Variants in PTPRZ1 observed in about 807,000 individuals in gnomAD.
PTPRZ1 encodes protein tyrosine phosphatase receptor type Z1.
A neutral mutation model predicts 214.1 loss-of-function variants in PTPRZ1; 82 were observed. That is an observed-to-expected ratio of 0.38 (90% CI 0.32 to 0.46). The LOEUF (loss-of-function observed/expected upper bound fraction) is 0.46, where lower values mean the gene tolerates loss of function less well. Ranked by LOEUF, PTPRZ1 falls within the 20% of genes least tolerant of loss-of-function variation. The probability of loss-of-function intolerance (pLI) is 1.00; values close to 1 mark genes in which losing one functional copy is unlikely to be tolerated. For synonymous variants in PTPRZ1, 945 were observed against 987.9 expected (o/e 0.96, Z 0.81); for missense variants, 2,603 against 2,748.7 (o/e 0.95, Z 1.19).
chr7:121,876,607 A>C (rs1412543837), intron 1 of PTPRZ1, among the ~76,000 whole-genome samples: 2 of 152,216 alleles, frequency 1.3e-5, no homozygotes, highest in African/African-American at 2.4e-5. Context: ...CTGAAAACAA[A>C]TTGTAACCAC....
In PTPRZ1 at chr7:122,010,437, C is replaced by G. The variant is rs764938406; in HGVS notation, c.1391C>G (p.Thr464Arg). 6.2e-7 allele frequency: 1 copy of G among 1,614,028 alleles called. No homozygotes were observed. The highest frequency in any genetic ancestry group is 1.1e-5 in the South Asian group (1 of 91,078). The change falls in exon 12 of 30, where the codon ACA becomes AGA. Residue 464 changes from threonine to arginine, a missense_variant. Thr to Arg is a moderately conservative substitution (Grantham distance 71, BLOSUM62 -1). Coordinates refer to ENST00000393386, the MANE Select transcript of PTPRZ1 (RefSeq NM_002851.3). ...AAAAAGGAACCCCAGATTTCTACCA[C>G]AACACACTACAATCGCATAGGGACG... is the stretch of plus-strand genomic sequence containing the variant. The part of the protein sequence containing the change: ...IRKKEPQIST[T>R]THYNRIGTKY...
At chr7:121,891,285 C>G (rs1794599509) in intron 1 of PTPRZ1, among the ~76,000 whole-genome samples, 3 of 151,748 alleles carry the variant, frequency 2.0e-5, no homozygotes, top group African/African-American at 7.3e-5. Context: ...CTCCTTAGTT[C>G]TTATCACTCA....
intron 8 of PTPRZ1, among the ~76,000 whole-genome samples, chr7:121,993,528 T>C (rs1798035014): frequency 7.0e-6 from 1 of 142,260 alleles, no homozygotes; most frequent in Admixed American, 7.4e-5. Context: ...TAAGGCGAGA[T>C]TGTGGCACTG....
At chr7:121,978,271 G>A (rs565637821) in intron 6 of PTPRZ1, among the ~76,000 whole-genome samples, 1 of 152,238 alleles carries the variant, frequency 6.6e-6, no homozygotes, top group African/African-American at 2.4e-5. Flanking sequence ...AACAGTTCTT[G>A]GATTAGCTGA....
intron 1 of PTPRZ1, among the ~76,000 whole-genome samples, chr7:121,877,682 C>A (rs1295237099): frequency 6.6e-6 from 1 of 152,154 alleles, no homozygotes; most frequent in African/African-American, 2.4e-5. Context: ...ACTCATGATG[C>A]TCACAACCCA....
chr7:121,909,047 TTTGC>T, intron 1 of PTPRZ1: 1 of 471,632 alleles, frequency 2.1e-6, no homozygotes, highest in Non-Finnish European at 4.2e-6. Flanking sequence ...TTGGAATCAA[TTTGC>T]TTGCTCTCTT....
chr7:121,917,113 CTG>C (rs1795450359), intron 1 of PTPRZ1, among the ~76,000 whole-genome samples: 1 of 152,138 alleles, frequency 6.6e-6, no homozygotes, highest in Non-Finnish European at 1.5e-5. Context: ...TTCAAATAAA[CTG>C]TACAATACAA....
chr7:122,024,647 A>G (rs188796680), intron 13 of PTPRZ1, among the ~76,000 whole-genome samples: 14 of 151,930 alleles, frequency 9.2e-5, no homozygotes, highest in Non-Finnish European at 1.8e-4. Context: ...AAGGTCTTTT[A>G]GGGAAATTAA....
At chr7:121,942,772 C>T (rs1472867458) in intron 2 of PTPRZ1, among the ~76,000 whole-genome samples, 1 of 152,108 alleles carries the variant, frequency 6.6e-6, no homozygotes, top group Non-Finnish European at 1.5e-5. Context: ...AGATTAGATA[C>T]CACAGAGATC....
chr7:122,036,573 A>G lies in PTPRZ1; in HGVS notation c.5285-27A>G, dbSNP rs773126646. ...GTGCTGAAAAGTAGTCTGTGCTACA[A>G]TGAAATATATTCTCTTTATATTACA... On this transcript the variant is annotated intron_variant, in intron 17 of 29. Transcript: ENST00000393386. 5 of 1,459,974 alleles carry G rather than the reference A, an allele frequency of 3.4e-6. No individual in the cohort carries two copies. The South Asian group carries it at 3.5e-5, about 10-fold the overall frequency. 90.4% of individuals were successfully genotyped at this position (1,459,974 alleles called of 1,614,324 possible).
rs756878355 is a variant in PTPRZ1 at position 122,012,272 on chromosome 7, G to A, written c.3226G>A (p.Asp1076Asn). ...SESTVMPNMY[D>N]NVNKLNASLQ... is the part of the protein sequence containing the mutation. The stretch of plus-strand genomic sequence containing the variant: ...AAGCACAGTCATGCCCAACATGTAT[G>A]ATAATGTAAATAAGTTGAATGCGTC... Residue 1076 changes from aspartate to asparagine, a missense_variant, in exon 12 of 30, where the codon GAT becomes AAT. Around this residue, in one of 6 missense-constraint regions of PTPRZ1, gnomAD observed 1,913 missense variants for 1,914.3 expected, o/e 1.00. Transcript: ENST00000393386. The A allele has an allele frequency of 7.4e-6, 12 of 1,614,006 alleles. 1 individual carries two copies. Among genetic ancestry groups the A allele is most frequent in the South Asian group, 6.6e-5 (6 of 91,078 alleles).
rs35113798 is a variant in PTPRZ1 at position 121,873,328 on chromosome 7, TCACACACACA to T, written c.-159_-150del. On this transcript the variant is annotated 5_prime_UTR_variant, in exon 1 of 30. Transcript: ENST00000393386. The stretch of plus-strand genomic sequence containing the variant: ...GTCTCTGTCTCTGTCTCTCTCTCTC[TCACACACACA>T]CACACACACACAAACACACATACGC... 5 of 533,102 alleles carry T rather than the reference TCACACACACA, an allele frequency of 9.4e-6. No homozygotes were observed. The highest frequency in any genetic ancestry group is 4.9e-5 in the South Asian group (2 of 40,450). The allele number at this position is 533,102 out of a possible 1,614,324, so 33.0% of individuals were successfully genotyped here. A position where few individuals can be genotyped will look rare whatever the true frequency, so the allele number is the denominator to read the frequency against.
chr7:122,012,075 C>T lies in PTPRZ1; in HGVS notation c.3029C>T (p.Thr1010Ile). ...GATAGTGAATTTCTTTTACCTGACA[C>T]AGATGGGCTGACAGCCCTTAACATT... is the stretch of plus-strand genomic sequence containing the variant. ...SSDSEFLLPDTDGLTALNISS... is the reference protein window; with the variant it reads ...SSDSEFLLPDIDGLTALNISS... The change falls in exon 12 of 30, where the codon ACA becomes ATA. Residue 1010 changes from threonine (T) to isoleucine (I), a missense_variant. Transcript: ENST00000393386. 2 of 1,614,190 alleles carry T rather than the reference C, an allele frequency of 1.2e-6. No individual in the cohort carries two copies. The highest frequency in any genetic ancestry group is 1.7e-6 in the Non-Finnish European group (2 of 1,179,992).
chr7:121,929,787 G>T (rs1171463035), intron 2 of PTPRZ1, among the ~76,000 whole-genome samples: 1 of 150,176 alleles, frequency 6.7e-6, no homozygotes, highest in Non-Finnish European at 1.5e-5. Flanking sequence ...CAGCCTGGGT[G>T]ACAGAGCAAG....
chr7:122,036,465 C>CA, intron 17 of PTPRZ1, 135 bp from the exon 18 acceptor site: 1 of 638,112 alleles, frequency 1.6e-6, no homozygotes, highest in East Asian at 2.8e-5. Context: ...TCTGTATCCC[C>CA]AAAAAGCCTA....
intron 10 of PTPRZ1, 34 bp downstream of exon 10, chr7:121,998,040 C>T: frequency 2.5e-6 from 4 of 1,589,362 alleles, no homozygotes; most frequent in Non-Finnish European, 3.4e-6. Context: ...TATATTAACT[C>T]AATAAATGAG....
chr7:122,003,674 G>C (rs1195806696), intron 10 of PTPRZ1, among the ~76,000 whole-genome samples: 3 of 152,184 alleles, frequency 2.0e-5, no homozygotes, highest in Non-Finnish European at 2.9e-5. Flanking sequence ...AGGCATGGGA[G>C]TTTGAAGAAC....
At chr7:122,050,727 C>A (rs1486990113) in intron 23 of PTPRZ1, among the ~76,000 whole-genome samples, 1 of 152,012 alleles carries the variant, frequency 6.6e-6, no homozygotes, top group Non-Finnish European at 1.5e-5. Flanking sequence ...AAAAGGCAAT[C>A]ATCAAAGAAG....
At chr7:121,922,378 G>A (rs1563018978) in intron 1 of PTPRZ1, among the ~76,000 whole-genome samples, 1 of 152,090 alleles carries the variant, frequency 6.6e-6, no homozygotes, top group Non-Finnish European at 1.5e-5. Flanking sequence ...CCAACATGGT[G>A]AAACCCTGTC....
Sources: allele counts gnomAD v4.1 joint callset (sites outside exome capture counted in the v4.1 genomes callset), GRCh38; gene constraint gnomAD v4.1.1; regional missense constraint gnomAD v4.1.1; transcripts MANE v1.5; gene names NCBI Gene and HGNC (gene_info 2026-07-23, HGNC 2026-07-21).